The following GDAP2 variants were observed in gnomAD, a reference collection of about 807,000 sequenced individuals.
GDAP2 encodes ganglioside-induced differentiation-associated protein 2.
Under a neutral mutation model 67.0 loss-of-function variants are expected in GDAP2, and 51 were observed. The observed-to-expected ratio is 0.76, with a 90% CI of 0.61 to 0.96. GDAP2 has a LOEUF of 0.96. Ranked by LOEUF, GDAP2 falls within the 40% of genes least tolerant of loss-of-function variation. GDAP2 has a pLI of 0.00. For synonymous variants in GDAP2, 203 were observed against 207.3 expected (o/e 0.98, Z 0.18); for missense variants, 547 against 588.3 (o/e 0.93, Z 0.73).
chr1:117,914,612 T>C (rs920927626), intron 3 of GDAP2, among the ~76,000 whole-genome samples: 9 of 152,008 alleles, frequency 5.9e-5, no homozygotes, highest in Non-Finnish European at 1.3e-4. Context: ...CCAAACCATA[T>C]GAAGGCAAAT....
intron 5 of GDAP2, among the ~76,000 whole-genome samples, chr1:117,907,781 A>G (rs980756037): frequency 1.3e-5 from 2 of 152,124 alleles, no homozygotes; most frequent in African/African-American, 4.8e-5. Flanking sequence ...GCAAGTCTAC[A>G]TACTCACTGT....
Position 117,884,401 on chromosome 1 carries a change from A to G in GDAP2, c.1108-774T>C, listed in dbSNP as rs77323827. Among the ~76,000 whole-genome samples the G allele has an allele frequency of 9.8e-5, 15 of 152,354 alleles. No homozygotes were observed. The East Asian group carries it at 2.9e-3, about 29-fold the overall frequency. Reference sequence around the variant, plus strand: ...GTGGTTTAGCTGTAAACAATCACATAGAAAAAGCTAAGAGGTAACAACTGA... The same window carrying G: ...GTGGTTTAGCTGTAAACAATCACATGGAAAAAGCTAAGAGGTAACAACTGA... On this transcript the variant is annotated intron_variant, in intron 10 of 13. Coordinates refer to ENST00000369443, the MANE Select transcript of GDAP2 (RefSeq NM_017686.4).
At position 117,886,589 on chromosome 1, in the gene GDAP2, T is replaced by A; in HGVS notation, c.1095A>T (p.Ile365=). The A allele has an allele frequency of 2.6e-6, 4 of 1,540,494 alleles. No homozygotes were observed. The highest frequency in any genetic ancestry group is 3.6e-6 in the Non-Finnish European group (4 of 1,113,094). ...VVGRNIPVTL[I]DMDKALLYFI... ...TTTTATGGCTTACCTTGTCCATATC[T>A]ATTAATGTTACAGGAATGTTTCTTC... Residue 365 remains isoleucine (I), a synonymous_variant, in exon 10 of 14, where the codon ATA becomes ATT. Transcript: ENST00000369443.
At chr1:117,918,823 G>T in intron 2 of GDAP2, 87 bp from the exon 3 acceptor site, 2 of 1,110,916 alleles carry the variant, frequency 1.8e-6, no homozygotes, top group Non-Finnish European at 1.3e-6. Context: ...TTTTATCCTT[G>T]TCTTTTTCAA....
intron 12 of GDAP2, among the ~76,000 whole-genome samples, chr1:117,879,472 A>AATG (rs967824286): frequency 3.0e-4 from 46 of 151,952 alleles, no homozygotes; most frequent in East Asian, 9.7e-4. Context: ...TAAGAATGAT[A>AATG]ATGATGATGA....
At chr1:117,899,304 A>G (rs745429716) in intron 6 of GDAP2, 88 bp from the exon 7 acceptor site, 61 of 836,614 alleles carry the variant, frequency 7.3e-5, no homozygotes, top group Non-Finnish European at 1.1e-4. Context: ...TACACTGTGA[A>G]GACAACCTCC....
chr1:117,907,888 T>G (rs979217329), intron 5 of GDAP2, among the ~76,000 whole-genome samples: 3 of 152,172 alleles, frequency 2.0e-5, no homozygotes, highest in African/African-American at 7.2e-5. Context: ...AGGTTAAGAT[T>G]CAAAAACCCT....
chr1:117,919,477 C>T (rs1411067942), intron 2 of GDAP2, among the ~76,000 whole-genome samples: 1 of 151,892 alleles, frequency 6.6e-6, no homozygotes, highest in Non-Finnish European at 1.5e-5. Context: ...GTATTCATTC[C>T]ATTTATATGA....
intron 11 of GDAP2, among the ~76,000 whole-genome samples, 189 bp from the exon 12 acceptor site, chr1:117,882,066 A>G (rs1196580642): frequency 6.6e-6 from 1 of 152,190 alleles, no homozygotes; most frequent in East Asian, 1.9e-4. Flanking sequence ...CATTTTTTAA[A>G]GTATCTCTTT....
intron 8 of GDAP2, 104 bp downstream of exon 8, chr1:117,896,729 A>G (rs1649276425): frequency 3.0e-6 from 2 of 656,172 alleles, no homozygotes; most frequent in South Asian, 6.9e-5. Flanking sequence ...TGAAAAATAA[A>G]TTGGAATGCA....
At chr1:117,890,528 T>G (rs770572553) in intron 8 of GDAP2, among the ~76,000 whole-genome samples, 1 of 152,034 alleles carries the variant, frequency 6.6e-6, no homozygotes, top group Non-Finnish European at 1.5e-5. Context: ...CTCGCATAAC[T>G]GGTATATGCA....
At chr1:117,927,760 C>T (rs1650503127) in intron 1 of GDAP2, among the ~76,000 whole-genome samples, 1 of 152,146 alleles carries the variant, frequency 6.6e-6, no homozygotes, top group African/African-American at 2.4e-5. Flanking sequence ...ATAACAAGAA[C>T]ATTCCTAAGC....
intron 6 of GDAP2, among the ~76,000 whole-genome samples, chr1:117,902,358 T>C (rs1369160613): frequency 6.6e-6 from 1 of 152,320 alleles, no homozygotes; most frequent in Non-Finnish European, 1.5e-5. Context: ...TTTGGTGCCA[T>C]ATCTAATAAA....
Position 117,899,125 on chromosome 1 carries a change from T to C in GDAP2, c.728A>G (p.Asn243Ser), listed in dbSNP as rs764404118. 31 of 1,611,054 alleles carry C rather than the reference T, an allele frequency of 1.9e-5. No individual in the cohort carries two copies. Among genetic ancestry groups the C allele is most frequent in the Admixed American group, 5.0e-5 (3 of 60,006 alleles). The change falls in exon 7 of 14, where the codon AAT (asparagine) becomes AGT (serine). Residue 243 changes from asparagine (N) to serine (S), a missense_variant. Coordinates refer to ENST00000369443, the MANE Select transcript of GDAP2 (RefSeq NM_017686.4). ...SLPYLPADIG[N>S]AEGEPVVPER... ...AGGTACCACAGGCTCCCCTTCTGCATTTCCAATATCTGCAGGTAGGTAGGG... is the reference window on the plus strand; with the variant it reads ...AGGTACCACAGGCTCCCCTTCTGCACTTCCAATATCTGCAGGTAGGTAGGG...
intron 6 of GDAP2, among the ~76,000 whole-genome samples, chr1:117,903,974 A>C (rs989928770): frequency 6.6e-6 from 1 of 151,558 alleles, no homozygotes; most frequent in African/African-American, 2.4e-5. Context: ...ATAATCTATG[A>C]GTTTATGATT....
chr1:117,882,919 A>G (rs1648704300), intron 11 of GDAP2: 1 of 152,212 alleles, frequency 6.6e-6, no homozygotes, highest in Non-Finnish European at 1.5e-5. Flanking sequence ...AAAAATAAGA[A>G]AAAATGTAAA....
intron 1 of GDAP2, among the ~76,000 whole-genome samples, chr1:117,922,953 AT>A (rs1289320579): frequency 6.6e-6 from 1 of 152,198 alleles, no homozygotes; most frequent in East Asian, 1.9e-4. Flanking sequence ...CACGGTGGAC[AT>A]TTCAGAGGCC....
At chr1:117,906,942 T>C (rs188304907) in intron 5 of GDAP2, among the ~76,000 whole-genome samples, 40 of 152,318 alleles carry the variant, frequency 2.6e-4, no homozygotes, top group Admixed American at 6.5e-5. Flanking sequence ...GCTGACTCTA[T>C]ACAATTCTCT....
chr1:117,920,125 A>T, intron 2 of GDAP2, 57 bp downstream of exon 2: 1 of 978,174 alleles, frequency 1.0e-6, no homozygotes, highest in Non-Finnish European at 1.6e-6. Flanking sequence ...AAAAGAGGTT[A>T]GAATAAATTA....
Sources: allele counts gnomAD v4.1 joint callset (sites outside exome capture counted in the v4.1 genomes callset), GRCh38; gene constraint gnomAD v4.1.1; transcripts MANE v1.5; gene names NCBI Gene and HGNC (gene_info 2026-07-23, HGNC 2026-07-21).